The following TAF5L variants were observed in gnomAD, a reference collection of about 807,000 sequenced individuals.
TAF5L encodes the protein TAF5-like RNA polymerase II p300/CBP-associated factor-associated factor 65 kDa subunit 5L.
TAF5L carries 7 observed loss-of-function variants against 51.3 expected under a neutral mutation model. The ratio of observed to expected loss-of-function variants is 0.14; its 90% confidence interval spans 0.08 to 0.26. The LOEUF (loss-of-function observed/expected upper bound fraction) is 0.26, where lower values mean the gene tolerates loss of function less well. TAF5L is among the 10% of genes least tolerant of loss of function. The probability of loss-of-function intolerance (pLI) is 1.00; values close to 1 mark genes in which losing one functional copy is unlikely to be tolerated. For synonymous variants in TAF5L, 291 were observed against 308.1 expected (o/e 0.94, Z 0.58); for missense variants, 575 against 758.9 (o/e 0.76, Z 2.85).
chr1:229,604,041 T>G, intron 3 of TAF5L, among the ~76,000 whole-genome samples: 1 of 152,262 alleles, frequency 6.6e-6, no homozygotes, highest in East Asian at 1.9e-4. Flanking sequence ...TGCTTGTCCC[T>G]TATCTGTAAT....
chr1:229,618,803 G>A (rs1045061961), intron 1 of TAF5L, among the ~76,000 whole-genome samples: 1 of 152,130 alleles, frequency 6.6e-6, no homozygotes, highest in African/African-American at 2.4e-5. Flanking sequence ...GGAGGGCTGG[G>A]AGGCACCCTC....
At chr1:229,618,273 T>C (rs891412935) in intron 1 of TAF5L, among the ~76,000 whole-genome samples, 2 of 152,266 alleles carry the variant, frequency 1.3e-5, no homozygotes, top group Non-Finnish European at 2.9e-5. Flanking sequence ...AATATAATTA[T>C]ACTCTTTGTT....
intron 1 of TAF5L, among the ~76,000 whole-genome samples, chr1:229,620,039 G>C (rs1014939805): frequency 3.3e-5 from 5 of 151,434 alleles, no homozygotes; most frequent in East Asian, 1.9e-4. Flanking sequence ...CAAAACAAAA[G>C]AAAACAAAAC....
intron 3 of TAF5L, among the ~76,000 whole-genome samples, chr1:229,608,714 G>C (rs567259309): frequency 6.6e-6 from 1 of 152,186 alleles, no homozygotes; most frequent in East Asian, 1.9e-4. Context: ...AGAAACAAAT[G>C]TCTTGGCTGG....
In TAF5L at chr1:229,602,645, G is replaced by A. The variant is rs765417407; in HGVS notation, c.522C>T (p.Tyr174=). Residue 174 remains tyrosine (Y), a synonymous_variant, in exon 4 of 5, where the codon TAC becomes TAT. Transcript: ENST00000258281. The surrounding 1 kb of genome is among the most constrained non-coding windows in gnomAD (Gnocchi z 4.6). ...TGTCACTTTGGAGGTAGCGGATAAG[G>A]TAGTTGTAGCTGTCTTCTTGGAGAC... 3 of 1,614,168 alleles carry A rather than the reference G, an allele frequency of 1.9e-6. No individual in the cohort carries two copies. The highest frequency in any genetic ancestry group is 2.5e-6 in the Non-Finnish European group (3 of 1,180,028).
chr1:229,614,216 T>A, intron 2 of TAF5L, 125 bp downstream of exon 2: 1 of 1,521,270 alleles, frequency 6.6e-7, no homozygotes, highest in Non-Finnish European at 9.1e-7. Flanking sequence ...CGTAGCTCAC[T>A]GAGGTTTTTG....
chr1:229,614,206 C>T (rs750548368), intron 2 of TAF5L, 135 bp downstream of exon 2: 13 of 1,424,530 alleles, frequency 9.1e-6, no homozygotes, highest in African/African-American at 1.4e-5. Flanking sequence ...ATTCACTTAA[C>T]GTAGCTCACT....
chr1:229,610,019 A>G, intron 3 of TAF5L, 87 bp downstream of exon 3: 2 of 1,055,550 alleles, frequency 1.9e-6, no homozygotes, highest in Non-Finnish European at 2.8e-6. Flanking sequence ...CTTGTGGAGC[A>G]GGGCTAACTC....
intron 3 of TAF5L, among the ~76,000 whole-genome samples, chr1:229,605,110 A>ATGTGTG (rs1553270425): frequency 9.5e-5 from 6 of 62,846 alleles, no homozygotes; most frequent in African/African-American, 2.4e-4. Flanking sequence ...TTTTGTATGT[A>ATGTGTG]TATATATATA....
rs74912933 is a variant in TAF5L at position 229,598,262 on chromosome 1, A to G, written c.973-3168T>C. Among the ~76,000 whole-genome samples, 112 of 152,324 alleles carry G rather than the reference A, an allele frequency of 7.4e-4. No homozygotes were observed. In the East Asian group the frequency reaches 0.019, roughly 26 times the overall value. On this transcript the variant is annotated intron_variant, in intron 4 of 4. Coordinates refer to ENST00000258281, the Ensembl canonical transcript of TAF5L. ...GCTTACATGCTGAAATAATTTGTTC[A>G]TATTAGTTTGAATGAAATACATCAT...
intron 3 of TAF5L, chr1:229,607,364 AT>A: frequency 2.0e-6 from 2 of 985,366 alleles, no homozygotes; most frequent in Non-Finnish European, 2.4e-6. Context: ...CTTACAAATA[AT>A]TTTACAAACT....
Position 229,602,001 on chromosome 1 carries a change from C to A in TAF5L, c.972+194G>T. 7.1e-7 allele frequency: 1 copy of A among 1,414,392 alleles called. No homozygotes were observed. The highest frequency in any genetic ancestry group is 1.5e-5 in the South Asian group (1 of 64,562). 87.6% of individuals were successfully genotyped at this position (1,414,392 alleles called of 1,614,324 possible). ...ATTCATTAATAAGAAGTTAATGCTGCTAAAAATTGTTTTTGCATCTTAGGT... is the reference window on the plus strand; with the variant it reads ...ATTCATTAATAAGAAGTTAATGCTGATAAAAATTGTTTTTGCATCTTAGGT... On this transcript the variant is annotated intron_variant, in intron 4 of 4. Coordinates refer to ENST00000258281, the Ensembl canonical transcript of TAF5L. The surrounding 1 kb of genome is among the most constrained non-coding windows in gnomAD (Gnocchi z 4.6).
chr1:229,612,207 T>C (rs751824163), intron 2 of TAF5L, among the ~76,000 whole-genome samples: 3 of 152,262 alleles, frequency 2.0e-5, no homozygotes, highest in Non-Finnish European at 4.4e-5. Context: ...AATCTTCTGA[T>C]AATCATATTT....
chr1:229,597,581 G>T (rs1330732512), intron 4 of TAF5L, among the ~76,000 whole-genome samples: 1 of 152,134 alleles, frequency 6.6e-6, no homozygotes, highest in African/African-American at 2.4e-5. Flanking sequence ...GATTTACAAG[G>T]GCCCAACGCC....
chr1:229,598,099 C>T (rs1469028951), intron 4 of TAF5L, among the ~76,000 whole-genome samples: 2 of 152,162 alleles, frequency 1.3e-5, no homozygotes, highest in South Asian at 2.1e-4. Context: ...ATGACAGCAG[C>T]CTGAACTAGA....
rs564580470 is a variant in TAF5L, at chr1:229,618,849, C to T, written c.-3-4364G>A. Among the ~76,000 whole-genome samples the T allele has an allele frequency of 3.3e-5, 5 of 152,192 alleles. 1 individual carries two copies. The South Asian group carries it at 1.0e-3, about 32-fold the overall frequency. ...TCACAGGTTAAAGTACTACACAGTT[C>T]CACGAAATGCCAAAAGAGTACTACC... On this transcript the variant is annotated intron_variant, in intron 1 of 4. Transcript: ENST00000258281.
intron 3 of TAF5L, among the ~76,000 whole-genome samples, chr1:229,608,297 G>A (rs927303744): frequency 2.0e-5 from 3 of 152,142 alleles, no homozygotes; most frequent in African/African-American, 7.2e-5. Flanking sequence ...CAGTTTCATG[G>A]TTGTTGGGTG....
chr1:229,595,813 G>A (rs190442264), intron 4 of TAF5L, among the ~76,000 whole-genome samples: 1 of 152,272 alleles, frequency 6.6e-6, no homozygotes, highest in Non-Finnish European at 1.5e-5. Flanking sequence ...TTACAGGCAT[G>A]TGCCACCACG....
intron 1 of TAF5L, among the ~76,000 whole-genome samples, chr1:229,616,750 G>A (rs1665017359): frequency 6.6e-6 from 1 of 152,082 alleles, no homozygotes. Flanking sequence ...AGCAAACTGT[G>A]AAGGCTAGAG....
Sources: allele counts gnomAD v4.1 joint callset (sites outside exome capture counted in the v4.1 genomes callset), GRCh38; gene constraint gnomAD v4.1.1; non-coding constraint Gnocchi (gnomAD v3.1); transcripts MANE v1.5; gene names NCBI Gene and HGNC (gene_info 2026-07-23, HGNC 2026-07-21).